The following PPP2R1B variants were observed in gnomAD, a reference collection of about 807,000 sequenced individuals.
The protein encoded by PPP2R1B is protein phosphatase 2 scaffold subunit Abeta.
In PPP2R1B, 58 loss-of-function variants were observed where a neutral mutation model predicts 72.7. That is an observed-to-expected ratio of 0.80 (90% CI 0.65 to 0.99). The LOEUF (loss-of-function observed/expected upper bound fraction) is 0.99, where lower values mean the gene tolerates loss of function less well. Among genes scored for constraint, PPP2R1B ranks in the 50% least tolerant of loss-of-function variants. The pLI is 0.00. For missense variants in PPP2R1B, 695 were observed against 733.6 expected (o/e 0.95, Z 0.61); for synonymous variants, 256 against 264.6 (o/e 0.97, Z 0.32).
downstream of PPP2R1B, among the ~76,000 whole-genome samples, chr11:111,734,199 C>A (rs906737283): frequency 3.3e-5 from 5 of 152,220 alleles, no homozygotes; most frequent in African/African-American, 4.8e-5. Context: ...TTAACTCTTG[C>A]CTGCCCCAAC....
rs1446220961 is a variant in PPP2R1B at position 111,741,083 on chromosome 11, C to T, written c.*513G>A. On this transcript the variant is annotated 3_prime_UTR_variant, in exon 15 of 15. Coordinates refer to ENST00000527614, the MANE Select transcript of PPP2R1B (RefSeq NM_002716.5). ...TTCACATGAGACTAATGCAGACCAT[C>T]ATAATTCAGGAAAATGTGGCTTTCA... 46 of 987,548 alleles carry T rather than the reference C, an allele frequency of 4.7e-5. No individual in the cohort carries two copies. The highest frequency in any genetic ancestry group is 5.5e-5 in the Non-Finnish European group (46 of 831,124). The allele number at this position is 987,548 out of a possible 1,614,324, so 61.2% of individuals were successfully genotyped here.
chr11:111,727,340 A>C, intron 15 of PPP2R1B: 1 of 466,436 alleles, frequency 2.1e-6, no homozygotes, highest in Non-Finnish European at 3.8e-6. Context: ...CTCCTAGGAA[A>C]GAAAAAGTCA....
the PPP2R1B span, among the ~76,000 whole-genome samples, chr11:111,695,707 C>T: frequency 6.6e-6 from 1 of 152,126 alleles, no homozygotes; most frequent in East Asian, 1.9e-4. Context: ...TAGCAGTTTC[C>T]CCAGGTGATT....
At chr11:111,745,774 T>C (rs528958070) in intron 11 of PPP2R1B, among the ~76,000 whole-genome samples, 3 of 152,362 alleles carry the variant, frequency 2.0e-5, no homozygotes, top group South Asian at 4.1e-4. Flanking sequence ...AGGTGAGTGA[T>C]ACTTTCTTCC....
At position 111,738,104 on chromosome 11, in the gene PPP2R1B, A is replaced by T; in HGVS notation, c.*3492T>A. The T allele has an allele frequency of 3.0e-6, 3 of 989,890 alleles. No homozygotes were observed. Among genetic ancestry groups the T allele is most frequent in the Non-Finnish European group, 3.6e-6 (3 of 832,134 alleles). The allele number at this position is 989,890 out of a possible 1,614,324, so 61.3% of individuals were successfully genotyped here. A position where few individuals can be genotyped will look rare whatever the true frequency, so the allele number is the denominator to read the frequency against. ...GACATGCGAGGGAAGAGGAAAGAGG[A>T]GAGTAAGGAACTGGATGGAAACAGG... On this transcript the variant is annotated 3_prime_UTR_variant, in exon 15 of 15. Coordinates refer to ENST00000527614, the MANE Select transcript of PPP2R1B (RefSeq NM_002716.5).
chr11:111,693,689 A>G, the PPP2R1B span, among the ~76,000 whole-genome samples: 1 of 152,244 alleles, frequency 6.6e-6, no homozygotes, highest in African/African-American at 2.4e-5. Context: ...TACTGAGTTG[A>G]GTAGCAGTGC....
the PPP2R1B span, among the ~76,000 whole-genome samples, chr11:111,710,888 C>A: frequency 6.6e-6 from 1 of 152,176 alleles, no homozygotes; most frequent in Non-Finnish European, 1.5e-5. Flanking sequence ...ATTCACCATC[C>A]TGTATCCCTT....
the PPP2R1B span, among the ~76,000 whole-genome samples, chr11:111,717,861 T>A: frequency 2.6e-5 from 4 of 152,050 alleles, no homozygotes; most frequent in African/African-American, 9.7e-5. Context: ...TGTTCTCACG[T>A]ATAAGTAGGA....
downstream of PPP2R1B, chr11:111,737,470 A>G: frequency 6.2e-7 from 1 of 1,614,192 alleles, no homozygotes; most frequent in Non-Finnish European, 8.5e-7. Flanking sequence ...CTCTCCAGGC[A>G]CTGTGGGTCT....
the PPP2R1B span, chr11:111,720,850 A>C: frequency 1.3e-6 from 2 of 1,594,064 alleles, no homozygotes; most frequent in East Asian, 2.2e-5. Flanking sequence ...TGGTCACTGA[A>C]AGGCCTTGTA....
chr11:111,712,743 A>C, the PPP2R1B span, among the ~76,000 whole-genome samples: 1 of 152,198 alleles, frequency 6.6e-6, no homozygotes, highest in Non-Finnish European at 1.5e-5. Flanking sequence ...ATTAACTTTC[A>C]TGCCAAATTG....
At chr11:111,763,632 T>C (rs997980720) in intron 3 of PPP2R1B, among the ~76,000 whole-genome samples, 1 of 152,194 alleles carries the variant, frequency 6.6e-6, no homozygotes, top group Non-Finnish European at 1.5e-5. Flanking sequence ...GGATTAGATG[T>C]GTGGAACAAG....
At chr11:111,692,534 T>C in the PPP2R1B span, among the ~76,000 whole-genome samples, 1 of 151,946 alleles carries the variant, frequency 6.6e-6, no homozygotes, top group Non-Finnish European at 1.5e-5. Flanking sequence ...GTGAGAATGA[T>C]AGGAAAAAAG....
rs782652176 is a variant in PPP2R1B at position 111,752,142 on chromosome 11, G to A, written c.1338+17C>T. The A allele has an allele frequency of 1.2e-5, 19 of 1,592,758 alleles. No homozygotes were observed. The highest frequency in any genetic ancestry group is 1.6e-5 in the Non-Finnish European group (19 of 1,170,538). ...ATCTGACACTACCCTGCAGTTCATG[G>A]AGCAACACATACTCACCAGCTGGCC... On this transcript the variant is annotated intron_variant, in intron 10 of 14. Transcript: ENST00000527614.
chr11:111,724,074 G>A (rs78383636), downstream of PPP2R1B: 8 of 1,613,644 alleles, frequency 5.0e-6, no homozygotes, highest in African/African-American at 8.0e-5. Flanking sequence ...CTCTTTGATT[G>A]TGAAATGCTA....
chr11:111,725,642 C>CAAAG (rs913521481), downstream of PPP2R1B: 1 of 152,662 alleles, frequency 6.6e-6, no homozygotes, highest in Admixed American at 6.5e-5. Flanking sequence ...CCTTAAAGCA[C>CAAAG]AAAGAGAGGG....
chr11:111,738,273 A>T lies in PPP2R1B; in HGVS notation c.*3323T>A. 4.1e-6 allele frequency: 4 copies of T among 985,502 alleles called. No homozygotes were observed. The highest frequency in any genetic ancestry group is 4.8e-6 in the Non-Finnish European group (4 of 829,982). 61.0% of individuals were successfully genotyped at this position (985,502 alleles called of 1,614,324 possible). On this transcript the variant is annotated 3_prime_UTR_variant, in exon 15 of 15. Coordinates refer to ENST00000527614, the MANE Select transcript of PPP2R1B (RefSeq NM_002716.5). Reference sequence around the variant, plus strand: ...GTGGAGAAAAATAAGAAGCTTTACGATAAGAGTGTCACCATTTTTAAAAGT... The same window carrying T: ...GTGGAGAAAAATAAGAAGCTTTACGTTAAGAGTGTCACCATTTTTAAAAGT...
Position 111,729,230 on chromosome 11 carries a change from C to T in PPP2R1B, c.1912-2173G>A, listed in dbSNP as rs139185909. ...ACCTTGTGTCCACATCTTCTCCAGGCAGGTTTCAACCTATCAGCAGACTCA... is the reference window on the plus strand; with the variant it reads ...ACCTTGTGTCCACATCTTCTCCAGGTAGGTTTCAACCTATCAGCAGACTCA... On this transcript the variant is annotated intron_variant, in intron 15 of 15. Transcript: ENST00000311129. 2.6e-5 allele frequency: 4 copies of T among 152,418 alleles called. No individual in the cohort carries two copies. The East Asian group carries it at 7.7e-4, about 29-fold the overall frequency. The allele number at this position is 152,418 out of a possible 1,614,324, so 9.4% of individuals were successfully genotyped here.
intron 11 of PPP2R1B, among the ~76,000 whole-genome samples, chr11:111,747,057 A>C (rs1371542060): frequency 2.6e-5 from 4 of 152,230 alleles, no homozygotes; most frequent in Non-Finnish European, 5.9e-5. Context: ...AGATGAACAA[A>C]GAGATACACT....
Sources: allele counts gnomAD v4.1 joint callset (sites outside exome capture counted in the v4.1 genomes callset), GRCh38; gene constraint gnomAD v4.1.1; transcripts MANE v1.5; gene names NCBI Gene and HGNC (gene_info 2026-07-23, HGNC 2026-07-21).